Variants in DENND4C observed in about 807,000 individuals in gnomAD.
The protein encoded by DENND4C is DENN domain-containing protein 4C.
Under a neutral mutation model 203.0 loss-of-function variants are expected in DENND4C, and 108 were observed. That is an observed-to-expected ratio of 0.53 (90% confidence interval 0.46 to 0.62). The LOEUF is 0.62. DENND4C is among the 20% of genes least tolerant of loss of function. The pLI, the probability that DENND4C is intolerant of heterozygous loss-of-function variation, is 0.00. For synonymous variants in DENND4C, 871 were observed against 792.4 expected, an observed-to-expected ratio of 1.10 and a Z score of -1.67; for missense variants, 2,481 against 2,301.2, an observed-to-expected ratio of 1.08 and a Z score of -1.60.
Position 19,346,412 on chromosome 9 carries a change from A to C in DENND4C, c.3643A>C (p.Asn1215His), listed in dbSNP as rs761848258. ...YESLLSDSNS[N>H]QSRDLKTVSK... is the part of the protein sequence containing the mutation. ...GAGTCTACTAAGTGATAGTAACAGT[A>C]ATCAGTCCAGAGACTTGAAAACAGT... Residue 1215 changes from asparagine (N) to histidine (H), a missense_variant, in exon 23 of 33, where the codon AAT becomes CAT. Physicochemically the swap from Asn to His is moderately conservative, Grantham distance 68 (BLOSUM62 1). Transcript: ENST00000434457. The C allele has an allele frequency of 6.2e-7, 1 of 1,614,174 alleles. No homozygotes were observed. The highest frequency in any genetic ancestry group is 1.3e-5 in the African/African-American group (1 of 75,048).
chr9:19,326,872 A>G lies in DENND4C; in HGVS notation c.2120+678A>G, dbSNP rs1024385723. Reference sequence around the variant, plus strand: ...ATGCCATTAAATATTTTTGTGCCTTATCATTTGTAATGACCACATTGTATG... The same window carrying G: ...ATGCCATTAAATATTTTTGTGCCTTGTCATTTGTAATGACCACATTGTATG... On this transcript the variant is annotated intron_variant, in intron 15 of 32. Transcript: ENST00000434457. Among the ~76,000 whole-genome samples the G allele has an allele frequency of 1.3e-4, 20 of 152,150 alleles. No homozygotes were observed. In the South Asian group the frequency reaches 3.7e-3, roughly 28 times the overall value.
rs1486856904 is a variant in DENND4C at position 19,373,195 on chromosome 9, C to G, written c.*1022C>G. 6.6e-6 allele frequency: 1 copy of G among 152,130 alleles called. No homozygotes were observed. Among genetic ancestry groups the G allele is most frequent in the Non-Finnish European group, 1.5e-5 (1 of 68,028 alleles). The allele number at this position is 152,130 out of a possible 1,614,324, so 9.4% of individuals were successfully genotyped here. On this transcript the variant is annotated 3_prime_UTR_variant, in exon 33 of 33. Transcript: ENST00000434457. ...ATTATTTTTGTACCAACATAATACA[C>G]CTTTCATATTATGTATTATCTTGCT...
Position 19,334,959 on chromosome 9 carries a change from ATTT to A in DENND4C, c.2461-8_2461-6del. On this transcript the variant is annotated splice_polypyrimidine_tract_variant and intron_variant, in intron 17 of 32. Transcript: ENST00000434457. ...ATTAGTATACTAATTACTGACACTG[ATTT>A]TTTTTTTTTGTTAGGTGTGCTATCG... 5.8e-6 allele frequency: 7 copies of A among 1,206,356 alleles called. No homozygotes were observed. The highest frequency in any genetic ancestry group is 5.7e-6 in the Non-Finnish European group (5 of 876,246). The allele number at this position is 1,206,356 out of a possible 1,614,324, so 74.7% of individuals were successfully genotyped here.
At chr9:19,369,745 T>A (rs1356155443) in intron 30 of DENND4C, 92 bp from the exon 31 acceptor site, 5 of 779,804 alleles carry the variant, frequency 6.4e-6, no homozygotes, top group East Asian at 4.2e-5. Flanking sequence ...CCAGCCTGGG[T>A]AACAGAGTGA....
chr9:19,319,315 CACATATATAT>C (rs1316727960), intron 12 of DENND4C, among the ~76,000 whole-genome samples: 4 of 56,480 alleles, frequency 7.1e-5, no homozygotes, highest in Admixed American at 2.4e-4. Flanking sequence ...CATATATACA[CACATATATAT>C]ACATATATAT....
At position 19,326,064 on chromosome 9, in the gene DENND4C, G is replaced by A. The variant is rs1160704089; in HGVS notation, c.1990G>A (p.Val664Ile). The A allele has an allele frequency of 1.2e-6, 2 of 1,607,512 alleles. No individual in the cohort carries two copies. The highest frequency in any genetic ancestry group is 1.7e-6 in the Non-Finnish European group (2 of 1,178,178). Residue 664 changes from valine (V) to isoleucine (I), a missense_variant and splice_region_variant, in exon 15 of 33, where the codon GTT becomes ATT. Physicochemically the swap from Val to Ile is conservative, Grantham distance 29. Coordinates refer to ENST00000434457, the MANE Select transcript of DENND4C (RefSeq NM_001330640.2). ...PDKGTEKTDK[V>I]DFDSAEDTRL... is the part of the protein sequence containing the mutation. ...ATTGGGGAAAAATAATGATTTTCAG[G>A]TTGATTTTGATTCAGCAGAAGATAC...
chr9:19,357,569 T>G (rs1404785258), intron 27 of DENND4C: 1 of 212,922 alleles, frequency 4.7e-6, no homozygotes, highest in Non-Finnish European at 9.4e-6. Flanking sequence ...TGGGTCTCTC[T>G]CCTTAGGTGG....
At chr9:19,240,624 C>G (rs189010068) in intron 1 of DENND4C, among the ~76,000 whole-genome samples, 1 of 150,994 alleles carries the variant, frequency 6.6e-6, no homozygotes, top group African/African-American at 2.4e-5. Flanking sequence ...CGAGATCATG[C>G]CACTTCACTC....
chr9:19,258,513 A>G (rs989034178), intron 1 of DENND4C, among the ~76,000 whole-genome samples: 1 of 152,250 alleles, frequency 6.6e-6, no homozygotes, highest in Non-Finnish European at 1.5e-5. Flanking sequence ...AGTGGGGTTT[A>G]TGCCAGAAAT....
At chr9:19,360,586 A>G (rs1366579904) in intron 29 of DENND4C, 97 bp downstream of exon 29, 1 of 1,474,170 alleles carries the variant, frequency 6.8e-7, no homozygotes, top group Non-Finnish European at 9.3e-7. Context: ...TTAACAAGAC[A>G]GATTTATTTC....
intron 30 of DENND4C, among the ~76,000 whole-genome samples, chr9:19,362,932 A>T (rs1184525022): frequency 6.6e-6 from 1 of 152,244 alleles, no homozygotes; most frequent in Non-Finnish European, 1.5e-5. Flanking sequence ...CATATTAAAA[A>T]CATTAAGCAG....
chr9:19,269,406 G>A (rs1005135630), intron 1 of DENND4C, among the ~76,000 whole-genome samples: 4 of 152,110 alleles, frequency 2.6e-5, no homozygotes, highest in African/African-American at 7.2e-5. Context: ...TGATCTGCCC[G>A]TCTCGGCCTC....
chr9:19,326,296 G>A (rs1817820501), intron 15 of DENND4C, 102 bp downstream of exon 15: 4 of 1,275,844 alleles, frequency 3.1e-6, no homozygotes, highest in Non-Finnish European at 4.2e-6. Context: ...CTCATTTTCA[G>A]TATTAGTTCA....
intron 1 of DENND4C, among the ~76,000 whole-genome samples, chr9:19,260,990 TG>T (rs1295331162): frequency 6.6e-6 from 1 of 152,120 alleles, no homozygotes; most frequent in East Asian, 1.9e-4. Context: ...AGTAGTTTCA[TG>T]GTTTGAGGTT....
At chr9:19,319,379 T>TATATATACAC (rs1366607176) in intron 12 of DENND4C, among the ~76,000 whole-genome samples, 1,275 of 105,818 alleles carry the variant, frequency 0.012, 26 homozygotes, top group African/African-American at 0.05. Context: ...TATATACACA[T>TATATATACAC]ACATATATAT....
At chr9:19,314,647 GA>G (rs899822548) in intron 10 of DENND4C, among the ~76,000 whole-genome samples, 17 of 150,898 alleles carry the variant, frequency 1.1e-4, no homozygotes, top group South Asian at 6.3e-4. Context: ...GACTTGCTTA[GA>G]AAAAAAAACT....
At position 19,304,121 on chromosome 9, in the gene DENND4C, A is replaced by G. The variant is rs562730986; in HGVS notation, c.1312-1231A>G. On this transcript the variant is annotated intron_variant, in intron 9 of 32. Coordinates refer to ENST00000434457, the MANE Select transcript of DENND4C (RefSeq NM_001330640.2). ...AAAGGAAAATGGGTAAAGATTCTTG[A>G]GGAATGTTTTTTTCTCTTTTTTCTT... 5.6e-4 allele frequency among the ~76,000 whole-genome samples: 61 copies of G among 109,008 alleles called. 1 individual carries two copies. The South Asian group carries it at 0.018, about 32-fold the overall frequency. 71.5% of individuals were successfully genotyped at this position (109,008 alleles called of 152,430 possible). A position where few individuals can be genotyped will look rare whatever the true frequency, so the allele number is the denominator to read the frequency against.
At chr9:19,277,166 A>G (rs1156682501) in intron 2 of DENND4C, among the ~76,000 whole-genome samples, 1 of 152,132 alleles carries the variant, frequency 6.6e-6, no homozygotes, top group Non-Finnish European at 1.5e-5. Flanking sequence ...CATTACTAAA[A>G]TATAGATATT....
At position 19,332,148 on chromosome 9, in the gene DENND4C, T is replaced by G; in HGVS notation, c.2424T>G (p.Ile808Met). 6.2e-7 allele frequency: 1 copy of G among 1,614,002 alleles called. No homozygotes were observed. Among genetic ancestry groups the G allele is most frequent in the Non-Finnish European group, 8.5e-7 (1 of 1,179,936 alleles). Residue 808 changes from isoleucine to methionine, a missense_variant, in exon 17 of 33, where the codon ATT becomes ATG. Ile to Met is a conservative substitution (Grantham distance 10, BLOSUM62 1). Transcript: ENST00000434457. Reference protein sequence around the residue: ...RALQQAYDVLIKMRKTDVDPL... With the variant: ...RALQQAYDVLMKMRKTDVDPL... Reference sequence around the variant, plus strand: ...TTCAGCAGGCATATGATGTACTTATTAAGATGAGGAAAACAGATGTGGATC... The same window carrying G: ...TTCAGCAGGCATATGATGTACTTATGAAGATGAGGAAAACAGATGTGGATC...
Sources: allele counts gnomAD v4.1 joint callset (sites outside exome capture counted in the v4.1 genomes callset), GRCh38; gene constraint gnomAD v4.1.1; transcripts MANE v1.5; gene names NCBI Gene and HGNC (gene_info 2026-07-23, HGNC 2026-07-21).